The following DUSP22 variants were observed in gnomAD, a reference collection of about 807,000 sequenced individuals.
DUSP22 encodes the protein dual specificity phosphatase 22.
DUSP22 carries 24 observed loss-of-function variants against 24.5 expected under a neutral mutation model. The observed-to-expected ratio is 0.98, with a 90% CI of 0.71 to 1.38. The LOEUF (loss-of-function observed/expected upper bound fraction) is 1.38, where lower values mean the gene tolerates loss of function less well. Among genes scored for constraint, DUSP22 ranks in the 40% most tolerant of loss-of-function variants. The pLI is 0.00. For synonymous variants in DUSP22, 160 were observed against 106.4 expected, an observed-to-expected ratio of 1.50 and a Z score of -3.10; for missense variants, 330 against 269.2, an observed-to-expected ratio of 1.23 and a Z score of -1.58.
At chr6:329,754 C>T (rs761255632) in intron 3 of DUSP22, among the ~76,000 whole-genome samples, 18 of 152,408 alleles carry the variant, frequency 1.2e-4, no homozygotes, top group South Asian at 2.1e-4. Flanking sequence ...GCCCAGCCTA[C>T]GATGATAAAT....
intron 1 of DUSP22, among the ~76,000 whole-genome samples, chr6:293,175 G>A (rs1757173904): frequency 6.6e-6 from 1 of 152,294 alleles, no homozygotes; most frequent in Non-Finnish European, 1.5e-5. Flanking sequence ...GCGCTGATGA[G>A]GCCTTCTGGA....
intron 3 of DUSP22, among the ~76,000 whole-genome samples, chr6:315,036 G>T (rs1205912619): frequency 2.6e-5 from 4 of 152,304 alleles, no homozygotes; most frequent in African/African-American, 9.6e-5. Flanking sequence ...GGAGTGGCTG[G>T]GTGGTCTCTG....
At chr6:305,817 AGGCAGCTAATGC>A (rs1368113301) in intron 2 of DUSP22, among the ~76,000 whole-genome samples, 1 of 152,304 alleles carries the variant, frequency 6.6e-6, no homozygotes, top group African/African-American at 2.4e-5. Flanking sequence ...ACCATGTCAT[AGGCAGCTAATGC>A]TCCTCCCTTC....
chr6:320,588 G>A (rs1443343949), intron 3 of DUSP22, among the ~76,000 whole-genome samples: 1 of 152,312 alleles, frequency 6.6e-6, no homozygotes, highest in Non-Finnish European at 1.5e-5. Context: ...ATCATAGATG[G>A]CATGGGCTCT....
intron 3 of DUSP22, among the ~76,000 whole-genome samples, chr6:316,561 T>G (rs986405898): frequency 6.6e-6 from 1 of 152,306 alleles, no homozygotes; most frequent in Non-Finnish European, 1.5e-5. Context: ...AAGACAGTGA[T>G]TTTTCAAATC....
intron 1 of DUSP22, among the ~76,000 whole-genome samples, chr6:301,008 G>T (rs1472487688): frequency 6.6e-6 from 1 of 152,306 alleles, no homozygotes; most frequent in African/African-American, 2.4e-5. Flanking sequence ...TTGCCAAAGA[G>T]GACACTCTAG....
chr6:328,176 A>G (rs545928638), intron 3 of DUSP22, among the ~76,000 whole-genome samples: 21 of 152,414 alleles, frequency 1.4e-4, no homozygotes, highest in African/African-American at 4.8e-4. Flanking sequence ...TCATTAAGTA[A>G]TACCACGGAA....
At chr6:314,976 A>G (rs1162172746) in intron 3 of DUSP22, among the ~76,000 whole-genome samples, 1 of 152,300 alleles carries the variant, frequency 6.6e-6, no homozygotes, top group Admixed American at 6.5e-5. Flanking sequence ...AAGAAAATAG[A>G]AGGTACTGTT....
chr6:302,815 G>A (rs1277263814), intron 1 of DUSP22, among the ~76,000 whole-genome samples: 1 of 152,300 alleles, frequency 6.6e-6, no homozygotes, highest in Non-Finnish European at 1.5e-5. Context: ...AACAGGGGAG[G>A]ACGCGACTCC....
At chr6:343,837 A>T (rs1372019861) in intron 4 of DUSP22, among the ~76,000 whole-genome samples, 1 of 152,308 alleles carries the variant, frequency 6.6e-6, no homozygotes, top group East Asian at 1.9e-4. Context: ...TGAATTTCTC[A>T]TTCTTATTAC....
chr6:318,058 T>A (rs942773098), intron 3 of DUSP22, among the ~76,000 whole-genome samples: 10 of 152,306 alleles, frequency 6.6e-5, no homozygotes, highest in African/African-American at 2.4e-4. Context: ...CCTCACTTCC[T>A]TAGTAAGCAG....
At chr6:298,501 T>A (rs1407095047) in intron 1 of DUSP22, among the ~76,000 whole-genome samples, 18 of 152,302 alleles carry the variant, frequency 1.2e-4, no homozygotes, top group Non-Finnish European at 2.5e-4. Context: ...AAATAAATGT[T>A]TAAAAAGTAA....
intron 3 of DUSP22, among the ~76,000 whole-genome samples, chr6:328,279 C>A (rs1182014179): frequency 2.6e-5 from 4 of 152,308 alleles, no homozygotes; most frequent in East Asian, 3.8e-4. Flanking sequence ...CTGAAAGCAC[C>A]CGGTAGGGCT....
At chr6:306,406 C>T (rs746308) in intron 2 of DUSP22, among the ~76,000 whole-genome samples, 29,835 of 144,694 alleles carry the variant, frequency 0.21, 197 homozygotes, top group African/African-American at 0.31. Context: ...ACACTACAAG[C>T]TATACCTGTT....
chr6:348,220 C>T lies in DUSP22; in HGVS notation c.381C>T (p.Pro127=). 6.2e-7 allele frequency: 1 copy of T among 1,614,318 alleles called. No individual in the cohort carries two copies. The highest frequency in any genetic ancestry group is 8.5e-7 in the Non-Finnish European group (1 of 1,180,062). Residue 127 remains proline, a synonymous_variant, in exon 6 of 7, where the codon CCC becomes CCT. Transcript: ENST00000419235. ...GTGCTGGGAGATCCTGTGCCAACCC[C>T]AACGTGGGCTTCCAGAGACAGCTCC... ...TVRAGRSCAN[P]NVGFQRQLQE...
At chr6:303,208 G>A (rs1454526812) in intron 1 of DUSP22, among the ~76,000 whole-genome samples, 1 of 152,308 alleles carries the variant, frequency 6.6e-6, no homozygotes, top group African/African-American at 2.4e-5. Flanking sequence ...AACATCAGTG[G>A]GATCCACATC....
intron 1 of DUSP22, among the ~76,000 whole-genome samples, chr6:295,205 C>T (rs1046228119): frequency 1.4e-4 from 21 of 152,260 alleles, no homozygotes; most frequent in Non-Finnish European, 3.1e-4. Flanking sequence ...ATGTGTGTGC[C>T]CTGAGGTTAC....
chr6:304,495 G>A (rs1192881423), intron 1 of DUSP22, 133 bp from the exon 2 acceptor site: 6 of 1,339,860 alleles, frequency 4.5e-6, no homozygotes, highest in African/African-American at 1.4e-5. Flanking sequence ...TCACCCGCGT[G>A]TCTGTCAGGG....
At chr6:317,241 C>G (rs571121628) in intron 3 of DUSP22, among the ~76,000 whole-genome samples, 1 of 152,302 alleles carries the variant, frequency 6.6e-6, no homozygotes, top group Non-Finnish European at 1.5e-5. Context: ...CCTTTTTCCC[C>G]GGGTCAGTGC....
Sources: gnomAD v4.1 joint callset for allele counts (sites outside exome capture counted in the v4.1 genomes callset) on GRCh38, gnomAD v4.1.1 for gene constraint, MANE v1.5 for transcripts, NCBI Gene and HGNC (gene_info 2026-07-23, HGNC 2026-07-21) for gene names.